PODN: variants seen among roughly 807,000 people sequenced by gnomAD.
PODN encodes the protein podocan proteoglycan.
In PODN, 40 loss-of-function variants were observed where a neutral mutation model predicts 52.7. The ratio of observed to expected loss-of-function variants is 0.76; its 90% CI spans 0.59 to 0.99. The LOEUF (loss-of-function observed/expected upper bound fraction) is 0.99, where lower values mean the gene tolerates loss of function less well. Among genes scored for constraint, PODN ranks in the 50% least tolerant of loss-of-function variants. The pLI is 0.00. For missense variants in PODN, 720 were observed against 815.1 expected, an observed-to-expected ratio of 0.88 and a Z score of 1.42; for synonymous variants, 396 against 377.9, an observed-to-expected ratio of 1.05 and a Z score of -0.56.
At chr1:53,069,363 G>C (rs984454721) in intron 1 of PODN, among the ~76,000 whole-genome samples, 1 of 152,244 alleles carries the variant, frequency 6.6e-6, no homozygotes, top group African/African-American at 2.4e-5. Context: ...TTGGAAGAGA[G>C]TCAGGACCAA....
intron 10 of PODN, 73 bp from the exon 11 acceptor site, chr1:53,084,440 C>G (rs905916715): frequency 2.0e-5 from 3 of 152,224 alleles, no homozygotes; most frequent in Non-Finnish European, 4.4e-5. Context: ...CTCCCCACAG[C>G]AGGTCCCCTC....
At chr1:53,072,277 T>G (rs2150297650) in intron 3 of PODN, among the ~76,000 whole-genome samples, 1 of 152,214 alleles carries the variant, frequency 6.6e-6, no homozygotes, top group East Asian at 1.9e-4. Context: ...ACGAAAGAAC[T>G]AAACTAGAAT....
chr1:53,066,100 A>G (rs532890001), intron 1 of PODN, among the ~76,000 whole-genome samples: 26 of 144,988 alleles, frequency 1.8e-4, no homozygotes, highest in African/African-American at 5.5e-4. Context: ...GGCTCAGGTG[A>G]TCCTCCCACT....
At chr1:53,073,275 G>A (rs1282362842) in intron 3 of PODN, 1 of 197,198 alleles carries the variant, frequency 5.1e-6, no homozygotes, top group Non-Finnish European at 1.1e-5. Flanking sequence ...ATGCAACAAT[G>A]GCTGCAAAGC....
Position 53,082,893 on chromosome 1 carries a change from A to G in PODN, c.*27+705A>G, listed in dbSNP as rs148268393. ...TGTGTACATGCATGTGAGTACATGC[A>G]CACAAAACACCCATGCGTACCCACG... On this transcript the variant is annotated intron_variant, in intron 10 of 10. Transcript: ENST00000312553. 4.6e-5 allele frequency among the ~76,000 whole-genome samples: 7 copies of G among 152,318 alleles called. No homozygotes were observed. The East Asian group carries it at 1.2e-3, about 25-fold the overall frequency.
intron 3 of PODN, 71 bp from the exon 4 acceptor site, chr1:53,074,535 G>T (rs1052981269): frequency 7.0e-6 from 11 of 1,574,008 alleles, no homozygotes; most frequent in Non-Finnish European, 8.7e-6. Context: ...GGGGAGGAGG[G>T]TGGGCGCTTG....
intron 1 of PODN, among the ~76,000 whole-genome samples, chr1:53,067,297 G>C (rs1644047697): frequency 1.3e-5 from 2 of 151,958 alleles, no homozygotes; most frequent in Admixed American, 1.3e-4. Flanking sequence ...CACCCCTCCT[G>C]TCTCCTCTAG....
At chr1:53,078,328 G>A in intron 7 of PODN, 37 bp from the exon 8 acceptor site, 2 of 1,566,856 alleles carry the variant, frequency 1.3e-6, no homozygotes, top group Non-Finnish European at 1.7e-6. Flanking sequence ...CACAATGTGG[G>A]CTCTTGCCAA....
chr1:53,071,701 C>G, intron 3 of PODN, 73 bp downstream of exon 3: 1 of 1,426,696 alleles, frequency 7.0e-7, no homozygotes, highest in South Asian at 1.2e-5. Flanking sequence ...TGCTGGGTGC[C>G]CAGGGGGAGA....
At chr1:53,066,974 T>C (rs1354692378) in intron 1 of PODN, 1 of 1,158,482 alleles carries the variant, frequency 8.6e-7, no homozygotes, top group Non-Finnish European at 1.2e-6. Flanking sequence ...ACACTCTCGC[T>C]CTTAGAACCC....
intron 2 of PODN, among the ~76,000 whole-genome samples, chr1:53,070,477 C>T (rs1033823448): frequency 3.3e-5 from 5 of 152,238 alleles, no homozygotes; most frequent in South Asian, 4.1e-4. Context: ...CAGACCTGCC[C>T]AGCAGCTGAC....
chr1:53,066,941 A>G (rs1644042755), intron 1 of PODN: 3 of 1,442,256 alleles, frequency 2.1e-6, no homozygotes, highest in South Asian at 2.5e-5. Context: ...CCCTGATTGA[A>G]TTTGGGACCT....
In PODN at chr1:53,069,812, C is replaced by T. The variant is rs1243460966; in HGVS notation, c.-44C>T. 1 of 1,581,818 alleles carries T rather than the reference C, an allele frequency of 6.3e-7. No individual in the cohort carries two copies. Among genetic ancestry groups the T allele is most frequent in the South Asian group, 1.2e-5 (1 of 86,862 alleles). On this transcript the variant is annotated 5_prime_UTR_variant, in exon 2 of 11. Transcript: ENST00000312553. ...ACTGTACCTCACAGGTTCCGTCAGC[C>T]CTGGCGCCCAGGCGCATCTGACTCG...
intron 1 of PODN, among the ~76,000 whole-genome samples, chr1:53,065,995 C>CTTTTTTTTTTT (rs780284767): frequency 1.7e-5 from 2 of 115,280 alleles, no homozygotes; most frequent in African/African-American, 7.4e-5. Context: ...TTCTAGAGGT[C>CTTTTTTTTTTT]TTTTTTTTTT....
Position 53,084,091 on chromosome 1 carries a change from C to T in PODN, c.*28-422C>T, listed in dbSNP as rs571259718. On this transcript the variant is annotated intron_variant, in intron 10 of 10. Coordinates refer to ENST00000312553, the MANE Select transcript of PODN (RefSeq NM_153703.5). ...CAAGTGTGGAGGGGCTGGCAAGAGGCTGAGCTTGGGGGTCACCTTCCCCAG... is the reference window on the plus strand; with the variant it reads ...CAAGTGTGGAGGGGCTGGCAAGAGGTTGAGCTTGGGGGTCACCTTCCCCAG... 7.2e-5 allele frequency among the ~76,000 whole-genome samples: 11 copies of T among 152,190 alleles called. 1 individual carries two copies. The South Asian group carries it at 2.1e-3, about 29-fold the overall frequency.
Position 53,078,423 on chromosome 1 carries a change from G to C in PODN, c.913G>C (p.Ala305Pro). ...CAGCAACAACCTGTCTCGGGTCCCA[G>C]CTGGGCTGCCGCGCAGCCTGGTGCT... ...LSSNNLSRVP[A>P]GLPRSLVLLH... The change falls in exon 8 of 11, where the codon GCT (alanine) becomes CCT (proline). Residue 305 changes from alanine (A) to proline (P), a missense_variant. Coordinates refer to ENST00000312553, the MANE Select transcript of PODN (RefSeq NM_153703.5). 6.2e-7 allele frequency: 1 copy of C among 1,613,534 alleles called. No homozygotes were observed. The highest frequency in any genetic ancestry group is 1.1e-5 in the South Asian group (1 of 91,082).
rs146929243 is a variant in PODN, at chr1:53,075,838, C to T, written c.472-24C>T. ...GGCCTCTGCTCCTCCATTGCTCTTT[C>T]GGCCCCAACTCTTCCCTTCCCAGCT... On this transcript the variant is annotated intron_variant, in intron 4 of 10. Coordinates refer to ENST00000312553, the MANE Select transcript of PODN (RefSeq NM_153703.5). 419 of 1,562,208 alleles carry T rather than the reference C, an allele frequency of 2.7e-4. 3 individuals are homozygous for T. The Middle Eastern group carries it at 0.011, about 39-fold the overall frequency.
chr1:53,070,315 G>A (rs1644099676), intron 2 of PODN, 148 bp downstream of exon 2: 3 of 1,298,810 alleles, frequency 2.3e-6, no homozygotes, highest in African/African-American at 1.5e-5. Context: ...TGCTGGGGCA[G>A]GTCAGATTTC....
Position 53,074,788 on chromosome 1 carries a change from G to T in PODN, c.471+118G>T, listed in dbSNP as rs1644171135. On this transcript the variant is annotated intron_variant, in intron 4 of 10. Coordinates refer to ENST00000312553, the MANE Select transcript of PODN (RefSeq NM_153703.5). ...GACTCCCTGCTGGGTCCTTGTTGCT[G>T]CTCAGACATGGCCCTGGGTCGGGGG... 5.4e-6 allele frequency: 4 copies of T among 742,852 alleles called. No homozygotes were observed. The Admixed American group carries it at 8.3e-5, about 15-fold the overall frequency. The allele number at this position is 742,852 out of a possible 1,614,324, so 46.0% of individuals were successfully genotyped here.
Sources: allele counts gnomAD v4.1 joint callset (sites outside exome capture counted in the v4.1 genomes callset), GRCh38; gene constraint gnomAD v4.1.1; transcripts MANE v1.5; gene names NCBI Gene and HGNC (gene_info 2026-07-23, HGNC 2026-07-21).